The following DENND5B variants were observed in gnomAD, a reference collection of about 807,000 sequenced individuals.
The protein encoded by DENND5B is DENN domain-containing protein 5B.
In DENND5B, 34 loss-of-function variants were observed where a neutral mutation model predicts 140.6. That is an observed-to-expected ratio of 0.24 (90% CI 0.18 to 0.32). The LOEUF (loss-of-function observed/expected upper bound fraction) is 0.32, where lower values mean the gene tolerates loss of function less well. Ranked by LOEUF, DENND5B falls within the 10% of genes least tolerant of loss-of-function variation. The pLI is 1.00. For synonymous variants in DENND5B, 551 were observed against 562.1 expected (o/e 0.98, Z 0.28); for missense variants, 1,142 against 1,560.2 (o/e 0.73, Z 4.52).
At chr12:31,547,305 C>G (rs1948896392) in intron 1 of DENND5B, among the ~76,000 whole-genome samples, 1 of 152,162 alleles carries the variant, frequency 6.6e-6, no homozygotes, top group African/African-American at 2.4e-5. Context: ...TTTATCTACT[C>G]CCCTCCCAAC....
chr12:31,450,104 C>T (rs186403304), intron 5 of DENND5B, among the ~76,000 whole-genome samples: 1 of 152,270 alleles, frequency 6.6e-6, no homozygotes, highest in Admixed American at 6.5e-5. Context: ...AACCTAAGGG[C>T]ATACACTTAA....
chr12:31,399,353 AC>A (rs1174775569), intron 16 of DENND5B, among the ~76,000 whole-genome samples: 1 of 134,662 alleles, frequency 7.4e-6, no homozygotes, highest in East Asian at 2.2e-4. Context: ...ATCTCGGTTC[AC>A]TGAAATCTCC....
chr12:31,430,448 T>A (rs914290759), intron 8 of DENND5B, among the ~76,000 whole-genome samples: 1 of 128,730 alleles, frequency 7.8e-6, no homozygotes, highest in Non-Finnish European at 1.6e-5. Flanking sequence ...GGTCAAGAGA[T>A]CGAGACCATC....
chr12:31,428,278 G>A (rs904651300), intron 8 of DENND5B, among the ~76,000 whole-genome samples: 7 of 150,866 alleles, frequency 4.6e-5, no homozygotes, highest in Non-Finnish European at 8.8e-5. Flanking sequence ...GGAGGCGGAC[G>A]TTGCAATGAG....
chr12:31,529,225 A>T (rs1435029393), intron 1 of DENND5B, among the ~76,000 whole-genome samples: 1 of 151,998 alleles, frequency 6.6e-6, no homozygotes, highest in Non-Finnish European at 1.5e-5. Context: ...CCAAGGGAGA[A>T]GATGATGACA....
intron 1 of DENND5B, among the ~76,000 whole-genome samples, chr12:31,565,515 T>C (rs1237608313): frequency 6.6e-6 from 1 of 152,228 alleles, no homozygotes; most frequent in Non-Finnish European, 1.5e-5. Context: ...ACAAAATCTG[T>C]AATTTTCATG....
At chr12:31,422,230 TA>T (rs1162343652) in intron 11 of DENND5B, among the ~76,000 whole-genome samples, 2 of 142,502 alleles carry the variant, frequency 1.4e-5, no homozygotes, top group African/African-American at 5.3e-5. Flanking sequence ...CCATCCTGGC[TA>T]ACACAGTGAA....
intron 1 of DENND5B, among the ~76,000 whole-genome samples, chr12:31,569,498 C>T: frequency 6.6e-6 from 1 of 152,136 alleles, no homozygotes; most frequent in South Asian, 2.1e-4. Flanking sequence ...GTTATATTCT[C>T]CTCCCAAAAA....
At chr12:31,570,336 G>A (rs909508010) in intron 1 of DENND5B, among the ~76,000 whole-genome samples, 13 of 149,380 alleles carry the variant, frequency 8.7e-5, no homozygotes, top group Non-Finnish European at 1.5e-4. Flanking sequence ...GAGTGCAGTG[G>A]CACGACTTTG....
Position 31,447,524 on chromosome 12 carries a change from C to A in DENND5B, c.1861+14G>T. On this transcript the variant is annotated intron_variant, in intron 6 of 20. Transcript: ENST00000389082. ...ATGGATTTTAATTTAATTTAAAAGG[C>A]ATGGCAAATGTACCTGCTTCTTTTA... The A allele has an allele frequency of 6.3e-7, 1 of 1,586,996 alleles. No homozygotes were observed. Among genetic ancestry groups the A allele is most frequent in the Non-Finnish European group, 8.6e-7 (1 of 1,163,908 alleles).
intron 7 of DENND5B, among the ~76,000 whole-genome samples, chr12:31,434,514 G>C (rs909665468): frequency 2.6e-5 from 4 of 152,116 alleles, no homozygotes; most frequent in Admixed American, 6.6e-5. Flanking sequence ...CCTAGACCCA[G>C]ACCTGCCCTG....
chr12:31,544,276 TTTTTAA>T (rs1437035404), intron 1 of DENND5B, among the ~76,000 whole-genome samples: 1 of 152,216 alleles, frequency 6.6e-6, no homozygotes, highest in African/African-American at 2.4e-5. Flanking sequence ...CAATGTCACA[TTTTTAA>T]TTTTAATTTT....
intron 1 of DENND5B, among the ~76,000 whole-genome samples, chr12:31,502,760 G>C (rs1947060758): frequency 6.6e-6 from 1 of 152,140 alleles, no homozygotes; most frequent in African/African-American, 2.4e-5. Flanking sequence ...TGTGAGAACT[G>C]AATATCCCAA....
At chr12:31,472,904 A>G (rs1945625842) in intron 3 of DENND5B, among the ~76,000 whole-genome samples, 1 of 152,058 alleles carries the variant, frequency 6.6e-6, no homozygotes, top group African/African-American at 2.4e-5. Flanking sequence ...CTCATTTGAG[A>G]GCCTTATATG....
At position 31,480,357 on chromosome 12, in the gene DENND5B, G is replaced by A. The variant is rs577391073; in HGVS notation, c.238-102C>T. 2.6e-6 allele frequency: 3 copies of A among 1,136,838 alleles called. No homozygotes were observed. In the South Asian group the frequency reaches 5.8e-5, roughly 22 times the overall value. The allele number at this position is 1,136,838 out of a possible 1,614,324, so 70.4% of individuals were successfully genotyped here. A position where few individuals can be genotyped will look rare whatever the true frequency, so the allele number is the denominator to read the frequency against. On this transcript the variant is annotated intron_variant, in intron 2 of 20. Coordinates refer to ENST00000389082, the MANE Select transcript of DENND5B (RefSeq NM_144973.4). ...AACATAACAGGATTCAAAAAGACAG[G>A]TTTTATCCAGATTTAATATTCGCAA...
intron 1 of DENND5B, among the ~76,000 whole-genome samples, chr12:31,544,347 G>C (rs1948782419): frequency 6.6e-6 from 1 of 152,146 alleles, no homozygotes; most frequent in Non-Finnish European, 1.5e-5. Context: ...AGTGGCACAA[G>C]CACAGCTCAC....
intron 1 of DENND5B, among the ~76,000 whole-genome samples, chr12:31,567,821 C>T (rs1270401916): frequency 6.6e-6 from 1 of 152,170 alleles, no homozygotes; most frequent in Non-Finnish European, 1.5e-5. Flanking sequence ...CTTTAAAAAA[C>T]AACAACAACA....
Position 31,480,060 on chromosome 12 carries a change from T to G in DENND5B, c.433A>C (p.Ser145Arg). The part of the protein sequence containing the change: ...LYQMHNAEHY[S>R]SVYASSSCSM... ...CAGGAAGATGAAGCATACACACTGC[T>G]GTAATGCTCAGCGTTGTGCATCTGG... The change falls in exon 3 of 21, where the codon AGC becomes CGC. Residue 145 changes from serine to arginine, a missense_variant. Around this residue, in one of 5 missense-constraint regions of DENND5B, gnomAD observed 708 missense variants for 905.5 expected, o/e 0.78. Coordinates refer to ENST00000389082, the MANE Select transcript of DENND5B (RefSeq NM_144973.4). 6.2e-7 allele frequency: 1 copy of G among 1,614,026 alleles called. No homozygotes were observed. Among genetic ancestry groups the G allele is most frequent in the Non-Finnish European group, 8.5e-7 (1 of 1,179,874 alleles).
intron 1 of DENND5B, among the ~76,000 whole-genome samples, chr12:31,515,671 A>G (rs943332282): frequency 6.6e-6 from 1 of 152,226 alleles, no homozygotes; most frequent in African/African-American, 2.4e-5. Context: ...CTGTTCAATT[A>G]TATACAATTA....
Sources: allele counts gnomAD v4.1 joint callset (sites outside exome capture counted in the v4.1 genomes callset), GRCh38; gene constraint gnomAD v4.1.1; regional missense constraint gnomAD v4.1.1; transcripts MANE v1.5; gene names NCBI Gene and HGNC (gene_info 2026-07-23, HGNC 2026-07-21).